Variants in CNGA1 observed in about 807,000 individuals in gnomAD.
CNGA1 encodes cyclic nucleotide-gated channel alpha-1.
In CNGA1, 53 loss-of-function variants were observed where a neutral mutation model predicts 69.7. The ratio of observed to expected loss-of-function variants is 0.76; its 90% CI spans 0.61 to 0.96. The LOEUF is 0.96. Ranked by LOEUF, CNGA1 falls within the 40% of genes least tolerant of loss-of-function variation. CNGA1 has a pLI of 0.00. For synonymous variants in CNGA1, 249 were observed against 283.5 expected, an observed-to-expected ratio of 0.88 and a Z score of 1.22; for missense variants, 739 against 811.2, an observed-to-expected ratio of 0.91 and a Z score of 1.08.
intron 3 of CNGA1, among the ~76,000 whole-genome samples, chr4:47,964,206 T>C (rs948615624): frequency 6.6e-6 from 1 of 152,186 alleles, no homozygotes; most frequent in African/African-American, 2.4e-5. Flanking sequence ...ACACTCTCTT[T>C]GGAGACCTCA....
chr4:47,972,827 A>T (rs1355061012), intron 3 of CNGA1, among the ~76,000 whole-genome samples: 6 of 152,138 alleles, frequency 3.9e-5, no homozygotes, highest in Non-Finnish European at 1.5e-5. Context: ...ATTAACTACA[A>T]TTTAATTTTA....
intron 3 of CNGA1, among the ~76,000 whole-genome samples, chr4:47,961,658 C>T (rs964597562): frequency 1.3e-5 from 2 of 152,110 alleles, no homozygotes; most frequent in African/African-American, 4.8e-5. Context: ...GTGACAGGAT[C>T]GCTTGAGCCT....
intron 5 of CNGA1, among the ~76,000 whole-genome samples, chr4:47,950,232 G>A (rs1224562955): frequency 6.6e-6 from 1 of 152,160 alleles, no homozygotes; most frequent in African/African-American, 2.4e-5. Flanking sequence ...AATCATAGGG[G>A]TGGGTGTTGC....
At chr4:47,940,726 A>G in intron 10 of CNGA1, 37 bp downstream of exon 10, 1 of 1,296,802 alleles carries the variant, frequency 7.7e-7, no homozygotes, top group Non-Finnish European at 1.1e-6. Context: ...AGATAAAAGC[A>G]TGAAATTTTA....
chr4:47,951,220 T>C, intron 5 of CNGA1, 133 bp downstream of exon 5: 1 of 676,608 alleles, frequency 1.5e-6, no homozygotes, highest in Admixed American at 2.1e-5. Context: ...ATTGGAACGC[T>C]AAGCATGTGG....
chr4:48,000,741 C>T (rs35435999), intron 2 of CNGA1, among the ~76,000 whole-genome samples: 4 of 7,568 alleles, frequency 5.3e-4, no homozygotes, highest in Non-Finnish European at 2.3e-3. Flanking sequence ...GTGGGGGAAG[C>T]GGGGGGGTGG....
At chr4:47,972,362 G>C (rs1224092327) in intron 3 of CNGA1, among the ~76,000 whole-genome samples, 1 of 152,070 alleles carries the variant, frequency 6.6e-6, no homozygotes, top group East Asian at 1.9e-4. Context: ...AGTCTCCTTA[G>C]TCACATGTGC....
chr4:47,978,109 A>C (rs1166268413), intron 3 of CNGA1, among the ~76,000 whole-genome samples: 2 of 152,226 alleles, frequency 1.3e-5, no homozygotes, highest in African/African-American at 2.4e-5. Context: ...TACAGGCGTG[A>C]GCCACCGCGC....
intron 2 of CNGA1, among the ~76,000 whole-genome samples, chr4:48,000,892 G>T (rs1050189928): frequency 6.6e-6 from 1 of 151,996 alleles, no homozygotes; most frequent in Non-Finnish European, 1.5e-5. Flanking sequence ...GAAAATAAAG[G>T]CAAAATACAT....
chr4:47,991,259 A>G (rs542384649), intron 2 of CNGA1, among the ~76,000 whole-genome samples: 62 of 152,268 alleles, frequency 4.1e-4, no homozygotes, highest in African/African-American at 1.5e-3. Context: ...GATTGCACTA[A>G]TTTACATTCC....
At chr4:47,950,615 AAAC>A (rs1309111610) in intron 5 of CNGA1, among the ~76,000 whole-genome samples, 2 of 152,202 alleles carry the variant, frequency 1.3e-5, no homozygotes, top group Non-Finnish European at 2.9e-5. Context: ...AGCTAAATAA[AAAC>A]AATGGGAAGG....
intron 4 of CNGA1, 52 bp from the exon 5 acceptor site, chr4:47,951,521 C>T: frequency 8.4e-7 from 1 of 1,195,702 alleles, no homozygotes; most frequent in Non-Finnish European, 1.2e-6. Flanking sequence ...TCAACCACTG[C>T]AGAGAGGCAA....
At chr4:47,965,970 C>T (rs1370059653) in intron 3 of CNGA1, among the ~76,000 whole-genome samples, 2 of 152,068 alleles carry the variant, frequency 1.3e-5, no homozygotes, top group Non-Finnish European at 2.9e-5. Flanking sequence ...CTGGTTTTCC[C>T]ATGCATGAGT....
In CNGA1 at chr4:48,002,325, C is replaced by T. The variant is rs570564244; in HGVS notation, c.-123+8469G>A. 2.0e-4 allele frequency among the ~76,000 whole-genome samples: 30 copies of T among 152,258 alleles called. No individual in the cohort carries two copies. The East Asian group carries it at 5.6e-3, about 28-fold the overall frequency. On this transcript the variant is annotated intron_variant, in intron 2 of 10. Transcript: ENST00000514170. ...TGAGAAAAAGATTACCAAGTATAAG[C>T]TAGGTACAGTACTAGGCTGGACAGC... is the stretch of plus-strand genomic sequence containing the variant.
intron 2 of CNGA1, among the ~76,000 whole-genome samples, chr4:47,982,098 T>C (rs1741743635): frequency 6.6e-6 from 1 of 152,188 alleles, no homozygotes; most frequent in Non-Finnish European, 1.5e-5. Flanking sequence ...TTTCAGTTAG[T>C]GTCTCAGTGT....
intron 3 of CNGA1, among the ~76,000 whole-genome samples, chr4:47,973,724 A>G (rs1408236598): frequency 6.6e-6 from 1 of 152,108 alleles, no homozygotes; most frequent in Non-Finnish European, 1.5e-5. Context: ...AGTGCAGAAG[A>G]GTAGGCACTA....
Position 47,952,493 on chromosome 4 carries a change from C to T in CNGA1, c.107+90G>A, listed in dbSNP as rs1376880604. ...AAATACATTACAAAGTTCAAGGTTA[C>T]AAATTATAAAGCTAAATTGAAATTA... On this transcript the variant is annotated intron_variant, in intron 4 of 10. Coordinates refer to ENST00000514170, the MANE Select transcript of CNGA1 (RefSeq NM_001379270.1). 5 of 1,428,176 alleles carry T rather than the reference C, an allele frequency of 3.5e-6. No homozygotes were observed. In the African/African-American group the frequency reaches 5.7e-5, roughly 16 times the overall value. The allele number at this position is 1,428,176 out of a possible 1,614,324, so 88.5% of individuals were successfully genotyped here.
At chr4:47,986,983 T>TGTTGTGTTGTGTTGA (rs1290681900) in intron 2 of CNGA1, among the ~76,000 whole-genome samples, 4 of 152,086 alleles carry the variant, frequency 2.6e-5, no homozygotes, top group Admixed American at 2.0e-4. Flanking sequence ...TATTGTGTTG[T>TGTTGTGTTGTGTTGA]GTTGTGTTGT....
At chr4:47,941,798 A>T (rs2110138850) in intron 9 of CNGA1, among the ~76,000 whole-genome samples, 1 of 152,296 alleles carries the variant, frequency 6.6e-6, no homozygotes, top group Admixed American at 6.5e-5. Context: ...AAATTAAAAA[A>T]TAAAAGTCTT....
Sources: gnomAD v4.1 joint callset for allele counts (sites outside exome capture counted in the v4.1 genomes callset) on GRCh38, gnomAD v4.1.1 for gene constraint, MANE v1.5 for transcripts, NCBI Gene and HGNC (gene_info 2026-07-23, HGNC 2026-07-21) for gene names.